Variants in P4HA1 observed in about 807,000 individuals in gnomAD.
P4HA1 encodes prolyl 4-hydroxylase subunit alpha 1.
P4HA1 carries 24 observed loss-of-function variants against 72.8 expected under a neutral mutation model. That is an observed-to-expected ratio of 0.33 (90% CI 0.24 to 0.46). The LOEUF is 0.46. Among genes scored for constraint, P4HA1 ranks in the 20% least tolerant of loss-of-function variants. The pLI is 1.00. For synonymous variants in P4HA1, 201 were observed against 218.8 expected (o/e 0.92, Z 0.72); for missense variants, 446 against 640.6 (o/e 0.70, Z 3.28).
At chr10:73,047,157 T>C in intron 7 of P4HA1, 56 bp from the exon 8 acceptor site, 1 of 1,189,506 alleles carries the variant, frequency 8.4e-7, no homozygotes, top group African/African-American at 1.6e-5. Context: ...ACTTTTAATA[T>C]CTATTCCTAT....
chr10:73,077,913 C>A (rs978737643), intron 1 of P4HA1, among the ~76,000 whole-genome samples: 1 of 149,324 alleles, frequency 6.7e-6, no homozygotes, highest in East Asian at 2.0e-4. Flanking sequence ...CACTTGAGAC[C>A]AGGAAGTTGA....
chr10:73,010,785 G>A (rs1839896319), intron 13 of P4HA1, among the ~76,000 whole-genome samples, 184 bp downstream of exon 13: 1 of 152,028 alleles, frequency 6.6e-6, no homozygotes. Flanking sequence ...TTGAACCCAG[G>A]AGGTCAAAGC....
intron 10 of P4HA1, among the ~76,000 whole-genome samples, chr10:73,027,839 A>AGGGAGGGAGAGAGGAG (rs1840324637): frequency 5.0e-5 from 5 of 100,424 alleles, no homozygotes; most frequent in Admixed American, 1.4e-4. Flanking sequence ...AGAGGAAGGA[A>AGGGAGGGAGAGAGGAG]GGGAGGGAGA....
rs1436042476 is a variant in P4HA1 at position 73,082,934 on chromosome 10, G to A, written c.-32-8019C>T. Among the ~76,000 whole-genome samples the A allele has an allele frequency of 8.7e-5, 5 of 57,486 alleles. 2 individuals carry two copies. The highest frequency in any genetic ancestry group is 9.2e-4 in the African/African-American group (2 of 2,172). The allele number at this position is 57,486 out of a possible 152,430, so 37.7% of individuals were successfully genotyped here. On this transcript the variant is annotated intron_variant, in intron 1 of 14. Coordinates refer to ENST00000394890, the MANE Select transcript of P4HA1 (RefSeq NM_001017962.3). ...TCATTATAGAACATTTAAGAGTCAA[G>A]TATCCCAAAAGACATTATGACTTTA...
At chr10:73,047,760 G>T (rs527793081) in intron 7 of P4HA1, among the ~76,000 whole-genome samples, 5 of 152,216 alleles carry the variant, frequency 3.3e-5, no homozygotes, top group Admixed American at 6.5e-5. Context: ...AATTAAACAA[G>T]TATGTCAGGC....
At chr10:73,029,509 T>A (rs1840382074) in intron 10 of P4HA1, among the ~76,000 whole-genome samples, 1 of 149,024 alleles carries the variant, frequency 6.7e-6, no homozygotes, top group South Asian at 2.1e-4. Context: ...AAAAAAAAAA[T>A]CTAATACAGA....
chr10:73,031,586 T>C (rs1840434344), intron 9 of P4HA1, among the ~76,000 whole-genome samples: 1 of 151,452 alleles, frequency 6.6e-6, no homozygotes, highest in Admixed American at 6.6e-5. Context: ...ATATACAGAA[T>C]AGACAAATCA....
chr10:73,011,748 C>T (rs1839915003), intron 12 of P4HA1, among the ~76,000 whole-genome samples: 1 of 151,932 alleles, frequency 6.6e-6, no homozygotes, highest in Non-Finnish European at 1.5e-5. Context: ...CAAAACCCAG[C>T]TACATATTAT....
intron 9 of P4HA1, among the ~76,000 whole-genome samples, chr10:73,033,548 G>C (rs1350979626): frequency 6.6e-6 from 1 of 152,078 alleles, no homozygotes; most frequent in Non-Finnish European, 1.5e-5. Flanking sequence ...CTGCTACCAA[G>C]AAAAATACCT....
intron 10 of P4HA1, among the ~76,000 whole-genome samples, 195 bp downstream of exon 10, chr10:73,030,073 CAAG>C (rs1840399809): frequency 1.3e-5 from 2 of 152,102 alleles, no homozygotes; most frequent in Non-Finnish European, 2.9e-5. Flanking sequence ...CATGTTTTGA[CAAG>C]AAATTTAAAA....
chr10:73,032,134 T>A (rs879546208), intron 9 of P4HA1, among the ~76,000 whole-genome samples: 4 of 152,198 alleles, frequency 2.6e-5, no homozygotes, highest in Non-Finnish European at 1.5e-5. Flanking sequence ...CCTAACTCAC[T>A]TCAGCCTCTC....
chr10:73,049,389 T>C (rs1589602939), intron 7 of P4HA1, among the ~76,000 whole-genome samples: 1 of 152,240 alleles, frequency 6.6e-6, no homozygotes, highest in African/African-American at 2.4e-5. Context: ...CACTAACTCC[T>C]TCTATGCAAG....
intron 5 of P4HA1, among the ~76,000 whole-genome samples, chr10:73,056,798 C>T (rs904892545): frequency 4.6e-5 from 7 of 152,068 alleles, no homozygotes; most frequent in Non-Finnish European, 8.8e-5. Flanking sequence ...GCGTGGCTCA[C>T]GCCTGTAATC....
chr10:73,029,956 C>G (rs942929972), intron 10 of P4HA1, among the ~76,000 whole-genome samples: 9 of 152,140 alleles, frequency 5.9e-5, no homozygotes, highest in African/African-American at 1.9e-4. Flanking sequence ...AAAACCCACC[C>G]TGGCCACTTG....
intron 5 of P4HA1, among the ~76,000 whole-genome samples, chr10:73,060,404 C>T (rs139238637): frequency 2.2e-4 from 34 of 152,284 alleles, no homozygotes; most frequent in African/African-American, 7.5e-4. Flanking sequence ...AAATGTCATC[C>T]CTGTTCAAAG....
rs775033133 is a variant in P4HA1 at position 73,008,185 on chromosome 10, A to G, written c.*37T>C. The G allele has an allele frequency of 2.3e-6, 3 of 1,286,180 alleles. No homozygotes were observed. The African/African-American group carries it at 4.4e-5, about 19-fold the overall frequency. The allele number at this position is 1,286,180 out of a possible 1,614,324, so 79.7% of individuals were successfully genotyped here. ...AGGAAATGTGTATATCAGACACATA[A>G]GAGTACAACAATAGGAGAAAAAGGG... On this transcript the variant is annotated 3_prime_UTR_variant, in exon 15 of 15. Coordinates refer to ENST00000394890, the MANE Select transcript of P4HA1 (RefSeq NM_001017962.3).
intron 6 of P4HA1, among the ~76,000 whole-genome samples, chr10:73,053,133 C>A (rs1479325189): frequency 6.6e-6 from 1 of 152,018 alleles, no homozygotes; most frequent in Non-Finnish European, 1.5e-5. Context: ...GAATATAGAG[C>A]AAAGAAACAC....
chr10:73,043,969 G>GA, intron 9 of P4HA1: 1 of 1,607,512 alleles, frequency 6.2e-7, no homozygotes, highest in South Asian at 1.1e-5. Context: ...TACAAAAAAA[G>GA]AGAAAGGACA....
At chr10:73,052,526 TA>T (rs1197929817) in intron 6 of P4HA1, among the ~76,000 whole-genome samples, 1 of 152,174 alleles carries the variant, frequency 6.6e-6, no homozygotes, top group East Asian at 1.9e-4. Flanking sequence ...AAGTATATTT[TA>T]AGTCAAGAGG....
Sources: gnomAD v4.1 joint callset for allele counts (sites outside exome capture counted in the v4.1 genomes callset) on GRCh38, gnomAD v4.1.1 for gene constraint, MANE v1.5 for transcripts, NCBI Gene and HGNC (gene_info 2026-07-23, HGNC 2026-07-21) for gene names.